UTRN: variants seen among roughly 807,000 people sequenced by gnomAD.
The protein encoded by UTRN is utrophin.
Under a neutral mutation model 463.9 loss-of-function variants are expected in UTRN, and 283 were observed. That is an observed-to-expected ratio of 0.61 (90% confidence interval 0.55 to 0.67). The LOEUF (loss-of-function observed/expected upper bound fraction) is 0.67. Ranked by LOEUF, UTRN falls within the 30% of genes least tolerant of loss-of-function variation. UTRN has a pLI of 0.00. For missense variants in UTRN, 3,922 were observed against 4,084.3 expected, an observed-to-expected ratio of 0.96 and a Z score of 1.08; for synonymous variants, 1,442 against 1,431.5, an observed-to-expected ratio of 1.01 and a Z score of -0.17.
At chr6:144,475,865 C>G (rs538554791) in intron 25 of UTRN, among the ~76,000 whole-genome samples, 29 of 152,020 alleles carry the variant, frequency 1.9e-4, no homozygotes, top group African/African-American at 6.8e-4. Flanking sequence ...TGCCTGAGCT[C>G]AGGAGTTTGA....
Position 144,797,842 on chromosome 6 carries a change from A to G in UTRN, c.9097A>G (p.Ile3033Val), listed in dbSNP as rs762825408. The change falls in exon 64 of 75, where the codon ATA (isoleucine) becomes GTA (valine). Residue 3033 changes from isoleucine (I) to valine (V), a missense_variant. By Grantham distance (29) the Ile-to-Val change is conservative. Coordinates refer to ENST00000367545, the MANE Select transcript of UTRN (RefSeq NM_007124.3). ...TCACCAGAATAACAATAAACCAGAA[A>G]TAAGTGTGAAAGAGTTTATAGATTG... ...CFQQNNNKPE[I>V]SVKEFIDWMH... 5.6e-6 allele frequency: 9 copies of G among 1,613,818 alleles called. No homozygotes were observed. In the African/African-American group the frequency reaches 9.3e-5, roughly 17 times the overall value.
chr6:144,814,169 GT>G (rs1303361679), intron 65 of UTRN, among the ~76,000 whole-genome samples: 1 of 152,148 alleles, frequency 6.6e-6, no homozygotes, highest in African/African-American at 2.4e-5. Context: ...AAGTGATTAG[GT>G]CATGAGGATG....
chr6:144,353,705 G>C (rs1778311108), intron 2 of UTRN, among the ~76,000 whole-genome samples: 1 of 152,132 alleles, frequency 6.6e-6, no homozygotes, highest in African/African-American at 2.4e-5. Flanking sequence ...AAATTAGCTG[G>C]GTGTGGTGGT....
chr6:144,780,265 A>AT (rs1031626193), intron 60 of UTRN, among the ~76,000 whole-genome samples: 4 of 152,182 alleles, frequency 2.6e-5, no homozygotes, highest in Admixed American at 2.0e-4. Context: ...ATATAACCTT[A>AT]TTTTTTCTCT....
intron 60 of UTRN, among the ~76,000 whole-genome samples, chr6:144,777,297 A>G (rs1228074861): frequency 6.6e-6 from 1 of 152,242 alleles, no homozygotes; most frequent in Non-Finnish European, 1.5e-5. Flanking sequence ...TCAATGAGCT[A>G]GTAATCAGCA....
chr6:144,617,118 G>T (rs1483528383), intron 51 of UTRN, among the ~76,000 whole-genome samples: 1 of 152,090 alleles, frequency 6.6e-6, no homozygotes, highest in Non-Finnish European at 1.5e-5. Context: ...GATATCAGTG[G>T]ATAATTTTCA....
rs370281144 is a variant in UTRN, at chr6:144,459,294, C to T, written c.2647C>T (p.Leu883=). The T allele has an allele frequency of 1.4e-5, 22 of 1,614,012 alleles. No homozygotes were observed. The highest frequency in any genetic ancestry group is 1.6e-5 in the Non-Finnish European group (19 of 1,180,020). The stretch of plus-strand genomic sequence containing the variant: ...TGTCCAGCGGGGCTTCGATAGCTTT[C>T]TGGGCCGCTACCAAGCTGTACAAGA... The part of the protein sequence containing the change: ...DFVQRGFDSF[L]GRYQAVQEAV... Residue 883 remains leucine, a synonymous_variant, in exon 21 of 75, where the codon CTG becomes TTG. Coordinates refer to ENST00000367545, the MANE Select transcript of UTRN (RefSeq NM_007124.3).
chr6:144,517,010 T>A (rs868636678), intron 39 of UTRN, 62 bp downstream of exon 39: 1 of 1,327,908 alleles, frequency 7.5e-7, no homozygotes, highest in Non-Finnish European at 9.8e-7. Flanking sequence ...GCCATTCAGA[T>A]GTGTGATGCT....
At chr6:144,353,686 A>C (rs1226287675) in intron 2 of UTRN, among the ~76,000 whole-genome samples, 1 of 152,176 alleles carries the variant, frequency 6.6e-6, no homozygotes, top group African/African-American at 2.4e-5. Context: ...GTCTCTACTA[A>C]AAATACAAAA....
At chr6:144,296,756 A>G (rs1462328951) in intron 2 of UTRN, among the ~76,000 whole-genome samples, 2 of 152,210 alleles carry the variant, frequency 1.3e-5, no homozygotes, top group Admixed American at 1.3e-4. Flanking sequence ...AATTGTATTT[A>G]TACAGCTCTT....
In UTRN at chr6:144,423,642, G is replaced by T; in HGVS notation, c.312+16G>T. On this transcript the variant is annotated intron_variant, in intron 5 of 74. Transcript: ENST00000367545. ...TCAGAACAATGTAAGTGTGTAATGT[G>T]AGTTCTGGGGGTCTGTGCTGCCATC... 6.2e-7 allele frequency: 1 copy of T among 1,613,770 alleles called. No homozygotes were observed. The highest frequency in any genetic ancestry group is 8.5e-7 in the Non-Finnish European group (1 of 1,179,638).
At chr6:144,350,256 T>TAAAAAAA (rs11443344) in intron 2 of UTRN, among the ~76,000 whole-genome samples, 1 of 142,224 alleles carries the variant, frequency 7.0e-6, no homozygotes. Flanking sequence ...GACTGTTTTC[T>TAAAAAAA]AAAAAAAAAA....
chr6:144,804,115 A>G (rs1586642244), intron 65 of UTRN, among the ~76,000 whole-genome samples: 2 of 152,034 alleles, frequency 1.3e-5, no homozygotes, highest in South Asian at 2.1e-4. Flanking sequence ...CAAGCTGTCT[A>G]TTTTCTTTGG....
chr6:144,424,261 G>C (rs567842194), intron 6 of UTRN, among the ~76,000 whole-genome samples, 183 bp downstream of exon 6: 2 of 152,316 alleles, frequency 1.3e-5, no homozygotes, highest in South Asian at 4.1e-4. Flanking sequence ...GGTTTTTCCT[G>C]AGGGCTCTGA....
intron 52 of UTRN, among the ~76,000 whole-genome samples, chr6:144,696,837 T>TTTTATTTCCTTTTA (rs1586073208): frequency 6.6e-6 from 1 of 152,176 alleles, no homozygotes; most frequent in East Asian, 1.9e-4. Context: ...CTTCTCACAC[T>TTTTATTTCCTTTTA]TACTCACACT....
At chr6:144,624,019 T>C (rs1022079435) in intron 51 of UTRN, among the ~76,000 whole-genome samples, 11 of 152,124 alleles carry the variant, frequency 7.2e-5, no homozygotes, top group African/African-American at 2.7e-4. Flanking sequence ...TTGGGAAAAT[T>C]GGCCACCAGG....
At position 144,838,096 on chromosome 6, in the gene UTRN, C is replaced by A. The variant is rs534076316; in HGVS notation, c.10066-1077C>A. 8.5e-5 allele frequency among the ~76,000 whole-genome samples: 13 copies of A among 152,304 alleles called. 1 individual carries two copies. Among genetic ancestry groups the A allele is most frequent in the African/African-American group, 3.1e-4 (13 of 41,560 alleles). ...AAGTGTTAGTGTTAACAACTTAGTG[C>A]ATAGGTGGAATTGCTACAGAAGGAA... On this transcript the variant is annotated intron_variant, in intron 71 of 74. Coordinates refer to ENST00000367545, the MANE Select transcript of UTRN (RefSeq NM_007124.3).
At chr6:144,665,378 T>C (rs1780279693) in intron 51 of UTRN, among the ~76,000 whole-genome samples, 1 of 152,336 alleles carries the variant, frequency 6.6e-6, no homozygotes, top group Admixed American at 6.5e-5. Flanking sequence ...ATTGATTTGT[T>C]TTATAATGTA....
intron 48 of UTRN, among the ~76,000 whole-genome samples, chr6:144,552,354 C>CTATTT (rs899887699): frequency 1.3e-5 from 2 of 152,058 alleles, no homozygotes; most frequent in African/African-American, 2.4e-5. Flanking sequence ...TGGATTGTGC[C>CTATTT]TATTATGGAA....
Sources: gnomAD v4.1 joint callset for allele counts (sites outside exome capture counted in the v4.1 genomes callset) on GRCh38, gnomAD v4.1.1 for gene constraint, MANE v1.5 for transcripts, NCBI Gene and HGNC (gene_info 2026-07-23, HGNC 2026-07-21) for gene names.